Variants in TDP1 observed in about 807,000 individuals in gnomAD.
The protein encoded by TDP1 is tyr-DNA phosphodiesterase 1.
A neutral mutation model predicts 81.5 loss-of-function variants in TDP1; 64 were observed. That is an observed-to-expected ratio of 0.79 (90% CI 0.64 to 0.97). TDP1 has a LOEUF of 0.97. Ranked by LOEUF, TDP1 falls within the 50% of genes least tolerant of loss-of-function variation. The pLI, the probability that TDP1 is intolerant of heterozygous loss-of-function variation, is 0.00. For synonymous variants in TDP1, 256 were observed against 264.3 expected, an observed-to-expected ratio of 0.97 and a Z score of 0.30; for missense variants, 723 against 743.8, an observed-to-expected ratio of 0.97 and a Z score of 0.33.
chr14:90,025,945 C>T (rs895598074), intron 15 of TDP1, among the ~76,000 whole-genome samples: 1 of 152,194 alleles, frequency 6.6e-6, no homozygotes, highest in East Asian at 1.9e-4. Context: ...TAATATTGCA[C>T]ATAAGCATCT....
In TDP1 at chr14:89,998,440, GTA is replaced by G. The variant is rs200827900; in HGVS notation, c.1541+4961_1541+4962del. ...TATATATATGTATGTATGTATGTATGTATATGTATATGTATATATATGTATAT... is the reference window on the plus strand; with the variant it reads ...TATATATATGTATGTATGTATGTATGTATGTATATGTATATATATGTATAT... On this transcript the variant is annotated intron_variant, in intron 14 of 16. Transcript: ENST00000335725. Among the ~76,000 whole-genome samples the G allele has an allele frequency of 3.6e-3, 378 of 106,350 alleles. 17 individuals carry two copies. The highest frequency in any genetic ancestry group is 0.016 in the African/African-American group (339 of 21,134). 69.8% of individuals were successfully genotyped at this position (106,350 alleles called of 152,430 possible).
intron 3 of TDP1, chr14:89,964,997 A>C: frequency 4.4e-6 from 1 of 229,564 alleles, no homozygotes; most frequent in African/African-American, 2.4e-5. Flanking sequence ...ACCATGTGCC[A>C]TAATTGTAGA....
At chr14:89,977,295 TA>T (rs200406508) in intron 7 of TDP1, among the ~76,000 whole-genome samples, 1 of 151,952 alleles carries the variant, frequency 6.6e-6, no homozygotes, top group Non-Finnish European at 1.5e-5. Context: ...GTTGCTTATT[TA>T]AAAAAAAATT....
At chr14:89,980,457 C>A in intron 7 of TDP1, 83 bp from the exon 8 acceptor site, 1 of 1,453,762 alleles carries the variant, frequency 6.9e-7, no homozygotes, top group Non-Finnish European at 9.6e-7. Flanking sequence ...ATTCCTTTAG[C>A]TATGTATTAC....
chr14:90,007,621 C>T (rs1040499928), intron 14 of TDP1, among the ~76,000 whole-genome samples: 5 of 151,916 alleles, frequency 3.3e-5, no homozygotes, highest in Non-Finnish European at 7.4e-5. Flanking sequence ...TAACTGCCAA[C>T]TAAGATTTTT....
intron 12 of TDP1, among the ~76,000 whole-genome samples, chr14:89,990,279 G>A (rs1896028115): frequency 6.6e-6 from 1 of 152,140 alleles, no homozygotes; most frequent in Admixed American, 6.5e-5. Flanking sequence ...GTAGGCATCT[G>A]TCAACGCTGT....
intron 16 of TDP1, 39 bp downstream of exon 16, chr14:90,033,253 A>G (rs755379875): frequency 7.5e-6 from 9 of 1,193,408 alleles, no homozygotes; most frequent in Non-Finnish European, 1.3e-6. Flanking sequence ...GTGGATATGC[A>G]TAAGAAAAAC....
intron 14 of TDP1, among the ~76,000 whole-genome samples, chr14:90,012,510 C>T (rs370464848): frequency 6.6e-6 from 1 of 151,578 alleles, no homozygotes; most frequent in Non-Finnish European, 1.5e-5. Context: ...TTTGCCTGGA[C>T]ATCCAGGCGT....
At chr14:89,973,494 G>A (rs923299831) in intron 6 of TDP1, among the ~76,000 whole-genome samples, 4 of 152,168 alleles carry the variant, frequency 2.6e-5, no homozygotes, top group Middle Eastern at 3.2e-3. Context: ...CTAGGCTGAC[G>A]TACAGGATTG....
chr14:90,037,103 C>G (rs1269127085), intron 16 of TDP1, among the ~76,000 whole-genome samples: 1 of 152,208 alleles, frequency 6.6e-6, no homozygotes, highest in Non-Finnish European at 1.5e-5. Context: ...AGAGCCACCA[C>G]ACCTGGCCCA....
chr14:89,978,143 C>A (rs574130962), intron 7 of TDP1, among the ~76,000 whole-genome samples: 11 of 152,260 alleles, frequency 7.2e-5, no homozygotes, highest in Admixed American at 2.0e-4. Flanking sequence ...GGCCATGTCT[C>A]CCCCCACCTC....
Position 89,989,844 on chromosome 14 carries a change from G to T in TDP1, c.1366+79G>T, listed in dbSNP as rs2401863. 0.63 allele frequency: 703,250 copies of T among 1,112,574 alleles called. 226,831 individuals carry two copies. Among genetic ancestry groups the T allele is most frequent in the African/African-American group, 0.89 (58,357 of 65,476 alleles). The allele number at this position is 1,112,574 out of a possible 1,614,324, so 68.9% of individuals were successfully genotyped here. A position where few individuals can be genotyped will look rare whatever the true frequency, so the allele number is the denominator to read the frequency against. On this transcript the variant is annotated intron_variant, in intron 12 of 16. Transcript: ENST00000335725. ...CCTGGTAAAGTTTTACTACTATTGC[G>T]TAGAAATTTGGAGATGGTTTTCACT...
At chr14:89,992,880 G>C (rs1566884248) in intron 13 of TDP1, 2 of 967,572 alleles carry the variant, frequency 2.1e-6, no homozygotes, top group East Asian at 2.3e-4. Flanking sequence ...ACTCAGATTT[G>C]TGAATGTCAG....
At chr14:89,975,601 T>C in intron 6 of TDP1, 180 bp from the exon 7 acceptor site, 2 of 492,178 alleles carry the variant, frequency 4.1e-6, no homozygotes, top group Non-Finnish European at 5.2e-6. Context: ...TTTTTTTTTT[T>C]AATGAGCGTC....
intron 14 of TDP1, among the ~76,000 whole-genome samples, chr14:89,996,169 C>T (rs926858914): frequency 6.6e-6 from 1 of 152,186 alleles, no homozygotes; most frequent in Admixed American, 6.5e-5. Flanking sequence ...GCCACTCATC[C>T]TGGTTGCCCA....
intron 2 of TDP1, among the ~76,000 whole-genome samples, chr14:89,959,623 A>T (rs2139907723): frequency 6.6e-6 from 1 of 152,342 alleles, no homozygotes; most frequent in East Asian, 1.9e-4. Flanking sequence ...TATAGAGCAG[A>T]ACCCCAAAAA....
intron 14 of TDP1, among the ~76,000 whole-genome samples, chr14:89,998,211 T>C (rs1366490518): frequency 6.6e-6 from 1 of 151,816 alleles, no homozygotes; most frequent in African/African-American, 2.4e-5. Context: ...CCATGTCATC[T>C]TAGTTCAACT....
At chr14:89,982,631 A>G (rs1433475756) in intron 8 of TDP1, among the ~76,000 whole-genome samples, 1 of 152,092 alleles carries the variant, frequency 6.6e-6, no homozygotes, top group African/African-American at 2.4e-5. Context: ...GGCAGGGATA[A>G]GGGCTTGGGT....
At chr14:89,986,809 A>G (rs577465115) in intron 10 of TDP1, among the ~76,000 whole-genome samples, 3 of 152,356 alleles carry the variant, frequency 2.0e-5, no homozygotes, top group South Asian at 4.1e-4. Flanking sequence ...TGGGAAGTGT[A>G]TGTGTAAGTA....
Sources: gnomAD v4.1 joint callset for allele counts (sites outside exome capture counted in the v4.1 genomes callset) on GRCh38, gnomAD v4.1.1 for gene constraint, MANE v1.5 for transcripts, NCBI Gene and HGNC (gene_info 2026-07-23, HGNC 2026-07-21) for gene names.